Variants in ANKS1B observed in about 807,000 individuals in gnomAD.
ANKS1B encodes ankyrin repeat and sterile alpha motif domain containing 1B.
In ANKS1B, 36 loss-of-function variants were observed where a neutral mutation model predicts 148.3. The ratio of observed to expected loss-of-function variants is 0.24; its 90% CI spans 0.19 to 0.32. The LOEUF is 0.32. Ranked by LOEUF, ANKS1B falls within the 10% of genes least tolerant of loss-of-function variation. ANKS1B has a pLI of 1.00. For synonymous variants in ANKS1B, 542 were observed against 560.8 expected (o/e 0.97, Z 0.47); for missense variants, 1,157 against 1,542.6 (o/e 0.75, Z 4.19).
At chr12:99,824,057 T>C (rs1417231727) in intron 2 of ANKS1B, among the ~76,000 whole-genome samples, 2 of 152,250 alleles carry the variant, frequency 1.3e-5, no homozygotes, top group Admixed American at 6.5e-5. Context: ...TTGCTTAGGA[T>C]TGCTTTGGCT....
intron 26 of ANKS1B, among the ~76,000 whole-genome samples, chr12:98,748,891 C>T (rs1488793990): frequency 3.3e-5 from 5 of 152,124 alleles, no homozygotes; most frequent in African/African-American, 2.4e-5. Flanking sequence ...TTATTCAGCC[C>T]ACATGAGAAT....
At chr12:99,592,600 A>G (rs983697153) in intron 9 of ANKS1B, among the ~76,000 whole-genome samples, 13 of 152,138 alleles carry the variant, frequency 8.5e-5, no homozygotes, top group African/African-American at 2.9e-4. Flanking sequence ...AGAAGGACTG[A>G]AGAGAAGAGA....
intron 9 of ANKS1B, among the ~76,000 whole-genome samples, chr12:99,569,350 C>A (rs907604624): frequency 3.3e-5 from 5 of 152,128 alleles, no homozygotes; most frequent in African/African-American, 1.2e-4. Flanking sequence ...AATCTCAATT[C>A]TTCTGCTTAT....
At chr12:99,553,875 T>C (rs150365896) in intron 9 of ANKS1B, among the ~76,000 whole-genome samples, 7 of 152,334 alleles carry the variant, frequency 4.6e-5, no homozygotes, top group African/African-American at 1.7e-4. Context: ...AGAATGTCTT[T>C]ACGTTAGCTT....
At chr12:99,582,808 T>G (rs2097583685) in intron 9 of ANKS1B, among the ~76,000 whole-genome samples, 1 of 152,150 alleles carries the variant, frequency 6.6e-6, no homozygotes, top group Admixed American at 6.5e-5. Context: ...CTACAATTCA[T>G]GAATTTCATT....
intron 9 of ANKS1B, among the ~76,000 whole-genome samples, chr12:99,581,670 CATG>C (rs1300243970): frequency 1.3e-5 from 2 of 151,164 alleles, no homozygotes; most frequent in African/African-American, 4.9e-5. Flanking sequence ...GCGGGTGGAT[CATG>C]AGGTCAGGAG....
intron 17 of ANKS1B, among the ~76,000 whole-genome samples, chr12:98,940,326 G>C (rs1025170024): frequency 2.4e-4 from 37 of 152,340 alleles, no homozygotes; most frequent in African/African-American, 8.4e-4. Context: ...GCACACGAAA[G>C]GCACAGCCTA....
At chr12:99,982,877 CAATTT>C in intron 1 of ANKS1B, among the ~76,000 whole-genome samples, 1 of 152,254 alleles carries the variant, frequency 6.6e-6, no homozygotes, top group South Asian at 2.1e-4. Flanking sequence ...TTTTTCAACT[CAATTT>C]ATTTCACTGT....
chr12:99,040,739 T>C (rs1202662141), intron 17 of ANKS1B, among the ~76,000 whole-genome samples: 1 of 152,158 alleles, frequency 6.6e-6, no homozygotes, highest in Non-Finnish European at 1.5e-5. Flanking sequence ...CTTAGAACAC[T>C]CTCACACAAA....
chr12:99,607,216 G>A (rs2097857520), intron 9 of ANKS1B, among the ~76,000 whole-genome samples: 1 of 152,052 alleles, frequency 6.6e-6, no homozygotes, highest in Admixed American at 6.6e-5. Flanking sequence ...CCAGACCCCA[G>A]AATCCAGAGG....
At chr12:98,745,954 C>CCT in intron 26 of ANKS1B, 105 bp from the exon 27 acceptor site, 1 of 1,257,372 alleles carries the variant, frequency 8.0e-7, no homozygotes, top group Non-Finnish European at 1.1e-6. Context: ...GCCCCAGGCG[C>CCT]GGGGCGGCGA....
intron 9 of ANKS1B, among the ~76,000 whole-genome samples, chr12:99,641,686 G>A (rs1264295226): frequency 7.9e-5 from 12 of 152,022 alleles, no homozygotes; most frequent in African/African-American, 2.2e-4. Flanking sequence ...AATACAACAT[G>A]ATAACCAATA....
chr12:99,246,332 T>C lies in ANKS1B; in HGVS notation c.2289A>G (p.Glu763=), dbSNP rs770730763. The change falls in exon 13 of 27, where the codon GAA becomes GAG. Residue 763 remains glutamate (E), a synonymous_variant. Coordinates refer to ENST00000683438, the MANE Select transcript of ANKS1B (RefSeq NM_001352186.2). ...RVNWSESSTA[E]HSSKGNSERT... is the part of the protein sequence containing the mutation. ...TTTCAGAATTCCCTTTAGAACTGTG[T>C]TCAGCAGTGGAAGATTCACTCCAGT... 2.5e-6 allele frequency: 4 copies of C among 1,612,688 alleles called. No homozygotes were observed. The highest frequency in any genetic ancestry group is 2.5e-6 in the Non-Finnish European group (3 of 1,179,258).
At chr12:99,202,489 A>G (rs546815803) in intron 14 of ANKS1B, among the ~76,000 whole-genome samples, 19 of 152,340 alleles carry the variant, frequency 1.2e-4, no homozygotes, top group African/African-American at 4.3e-4. Flanking sequence ...TTGGACGTCA[A>G]GCAGTTAGTT....
intron 14 of ANKS1B, among the ~76,000 whole-genome samples, chr12:99,236,956 G>A (rs2088091467): frequency 6.6e-6 from 1 of 152,238 alleles, no homozygotes. Context: ...TTGGAGGATG[G>A]AGGGTGGGAG....
intron 8 of ANKS1B, among the ~76,000 whole-genome samples, chr12:99,752,367 G>A (rs903265939): frequency 1.3e-5 from 2 of 151,668 alleles, no homozygotes; most frequent in African/African-American, 4.8e-5. Flanking sequence ...CAATTATTTG[G>A]TAATATATCT....
chr12:98,798,878 C>T, intron 22 of ANKS1B, 56 bp downstream of exon 22: 1 of 1,435,046 alleles, frequency 7.0e-7, no homozygotes, highest in East Asian at 2.3e-5. Context: ...AATTTGTATC[C>T]ATACCCAGTA....
chr12:99,915,686 T>C (rs761325289), intron 1 of ANKS1B, among the ~76,000 whole-genome samples: 3 of 152,200 alleles, frequency 2.0e-5, no homozygotes, highest in East Asian at 1.9e-4. Flanking sequence ...ATTTTGTTTA[T>C]AGAAGCAAAA....
At chr12:99,946,216 A>C (rs2095057246) in intron 1 of ANKS1B, among the ~76,000 whole-genome samples, 1 of 152,230 alleles carries the variant, frequency 6.6e-6, no homozygotes, top group East Asian at 1.9e-4. Context: ...GATACTACTC[A>C]ATGTCTCTGA....
Sources: gnomAD v4.1 joint callset for allele counts (sites outside exome capture counted in the v4.1 genomes callset) on GRCh38, gnomAD v4.1.1 for gene constraint, MANE v1.5 for transcripts, NCBI Gene and HGNC (gene_info 2026-07-23, HGNC 2026-07-21) for gene names.